PRKN: variants seen among roughly 807,000 people sequenced by gnomAD.
PRKN encodes parkin RBR E3 ubiquitin protein ligase.
A neutral mutation model predicts 59.5 loss-of-function variants in PRKN; 56 were observed. That is an observed-to-expected ratio of 0.94 (90% CI 0.76 to 1.18). The LOEUF is 1.18. Among genes scored for constraint, PRKN ranks in the 50% most tolerant of loss-of-function variants. The probability of loss-of-function intolerance (pLI) is 0.00; values close to 1 mark genes in which losing one functional copy is unlikely to be tolerated. For synonymous variants in PRKN, 250 were observed against 222.1 expected (o/e 1.13, Z -1.12); for missense variants, 657 against 596.4 (o/e 1.10, Z -1.06).
At position 161,527,489 on chromosome 6, in the gene PRKN, GA is replaced by G. The variant is rs1779057221; in HGVS notation, c.1083+21364del. ...TGCTGGATGCTATGCCCACATGAGG[GA>G]GGGGTGCCTTCTAATTCACAGCAAG... On this transcript the variant is annotated intron_variant, in intron 9 of 11. Coordinates refer to ENST00000366898, the MANE Select transcript of PRKN (RefSeq NM_004562.3). The surrounding 1 kb of genome is among the most constrained non-coding windows in gnomAD (Gnocchi z 4.6). 6.6e-6 allele frequency among the ~76,000 whole-genome samples: 1 copy of G among 152,192 alleles called. No individual in the cohort carries two copies. The highest frequency in any genetic ancestry group is 2.4e-5 in the African/African-American group (1 of 41,436).
intron 7 of PRKN, among the ~76,000 whole-genome samples, chr6:161,604,579 G>C (rs928252903): frequency 2.6e-5 from 4 of 152,210 alleles, no homozygotes; most frequent in Admixed American, 6.5e-5. Context: ...TCAGGCCACG[G>C]ATTTGATCCT....
chr6:161,872,520 C>T (rs1794382818), intron 6 of PRKN, among the ~76,000 whole-genome samples: 2 of 152,130 alleles, frequency 1.3e-5, no homozygotes, highest in Admixed American at 6.5e-5. Context: ...GCGCTCCTGT[C>T]CTCAACTCCA....
At chr6:162,084,163 C>T (rs1779165665) in intron 4 of PRKN, among the ~76,000 whole-genome samples, 1 of 151,852 alleles carries the variant, frequency 6.6e-6, no homozygotes, top group African/African-American at 2.4e-5. Flanking sequence ...TTTCTCTTTC[C>T]AAACATAAAA....
intron 2 of PRKN, among the ~76,000 whole-genome samples, chr6:162,314,192 A>C (rs571509258): frequency 1.3e-5 from 2 of 152,262 alleles, no homozygotes; most frequent in East Asian, 3.9e-4. Context: ...TAGTAATCCC[A>C]TGTTCTGGGT....
At chr6:162,257,772 G>A (rs1234697212) in intron 3 of PRKN, among the ~76,000 whole-genome samples, 1 of 152,076 alleles carries the variant, frequency 6.6e-6, no homozygotes, top group Admixed American at 6.6e-5. Flanking sequence ...GCAGTTCTAG[G>A]ATTTGAAAAC....
intron 2 of PRKN, among the ~76,000 whole-genome samples, chr6:162,381,573 G>A (rs150839743): frequency 4.7e-4 from 72 of 152,190 alleles, no homozygotes; most frequent in Admixed American, 8.5e-4. Flanking sequence ...CATTTATCAT[G>A]TTTCTATTGT....
In PRKN at chr6:161,384,352, G is replaced by C. The variant is rs548596656; in HGVS notation, c.1167+2442C>G. Among the ~76,000 whole-genome samples the C allele has an allele frequency of 4.3e-3, 649 of 152,254 alleles. 8 individuals are homozygous for C. The highest frequency in any genetic ancestry group is 0.015 in the African/African-American group (623 of 41,530). ...GCTCAGGAGTTCAAGACCCCAGCCT[G>C]GGCAACATGCTGAAACCCTGTCTCT... On this transcript the variant is annotated intron_variant, in intron 10 of 11. Transcript: ENST00000366898.
intron 2 of PRKN, among the ~76,000 whole-genome samples, chr6:162,411,252 A>G (rs956880587): frequency 2.0e-5 from 3 of 152,224 alleles, no homozygotes; most frequent in African/African-American, 7.2e-5. Context: ...CCTACTTTAC[A>G]AGAAGTGACT....
intron 7 of PRKN, among the ~76,000 whole-genome samples, chr6:161,746,675 T>G (rs939614242): frequency 1.4e-5 from 2 of 146,854 alleles, no homozygotes; most frequent in Non-Finnish European, 3.0e-5. Context: ...TGTATATCTA[T>G]AGATATATCT....
chr6:162,134,317 C>T (rs1413548787), intron 4 of PRKN, among the ~76,000 whole-genome samples: 2 of 152,122 alleles, frequency 1.3e-5, no homozygotes, highest in East Asian at 1.9e-4. Context: ...CAAGATAGCA[C>T]CAGACTTTGG....
chr6:161,990,187 C>T (rs1304619408), intron 5 of PRKN, among the ~76,000 whole-genome samples: 1 of 152,160 alleles, frequency 6.6e-6, no homozygotes, highest in Non-Finnish European at 1.5e-5. Context: ...CGAAGACCAG[C>T]CCACTTGGTG....
At chr6:162,398,036 C>CA (rs10707854) in intron 2 of PRKN, among the ~76,000 whole-genome samples, 16,626 of 83,368 alleles carry the variant, frequency 0.2, 1,699 homozygotes, top group African/African-American at 0.32. Context: ...GATTCTGACT[C>CA]AAAAAAAAAA....
At chr6:161,680,775 A>ATATATATATATT (rs1216235673) in intron 7 of PRKN, among the ~76,000 whole-genome samples, 3 of 30,638 alleles carry the variant, frequency 9.8e-5, no homozygotes, top group Non-Finnish European at 1.8e-4. Flanking sequence ...ATATATATAT[A>ATATATATATATT]TTTTTTTTTT....
intron 6 of PRKN, among the ~76,000 whole-genome samples, chr6:161,902,911 C>T (rs1189797268): frequency 6.6e-6 from 1 of 152,158 alleles, no homozygotes; most frequent in Non-Finnish European, 1.5e-5. Context: ...GTTAGGGAAA[C>T]ACCTCATGCT....
At chr6:162,403,193 G>A (rs1181688879) in intron 2 of PRKN, among the ~76,000 whole-genome samples, 1 of 152,048 alleles carries the variant, frequency 6.6e-6, no homozygotes, top group Non-Finnish European at 1.5e-5. Context: ...AACACCATCT[G>A]GCGCCTTTCG....
chr6:162,064,617 C>G (rs554243599), intron 4 of PRKN, among the ~76,000 whole-genome samples: 1 of 152,306 alleles, frequency 6.6e-6, no homozygotes, highest in Admixed American at 6.5e-5. Context: ...CTACATATAT[C>G]TATGTGCTTT....
rs141683995 is a variant in PRKN at position 161,356,045 on chromosome 6, G to A, written c.1285+4043C>T. Among the ~76,000 whole-genome samples, 145 of 152,300 alleles carry A rather than the reference G, an allele frequency of 9.5e-4. No individual in the cohort carries two copies. The highest frequency in any genetic ancestry group is 3.3e-3 in the African/African-American group (139 of 41,564). Reference sequence around the variant, plus strand: ...CTGGGGATGGGGCAGCTCTCAGGGTGGTCCTGAATTTCGTTAGTGGGTTGG... The same window carrying A: ...CTGGGGATGGGGCAGCTCTCAGGGTAGTCCTGAATTTCGTTAGTGGGTTGG... On this transcript the variant is annotated intron_variant, in intron 11 of 11. Coordinates refer to ENST00000366898, the MANE Select transcript of PRKN (RefSeq NM_004562.3). The surrounding 1 kb of genome is among the most constrained non-coding windows in gnomAD (Gnocchi z 7.8).
chr6:162,067,299 T>C (rs1312466157), intron 4 of PRKN, among the ~76,000 whole-genome samples: 1 of 152,202 alleles, frequency 6.6e-6, no homozygotes, highest in Non-Finnish European at 1.5e-5. Context: ...CAATGGTCAT[T>C]ATTATTACAA....
rs760127964 is a variant in PRKN, at chr6:161,414,381, G to A, written c.1084-27504C>T. 1.3e-5 allele frequency among the ~76,000 whole-genome samples: 2 copies of A among 152,174 alleles called. No homozygotes were observed. Among genetic ancestry groups the A allele is most frequent in the Admixed American group, 1.3e-4 (2 of 15,282 alleles). Reference sequence around the variant, plus strand: ...CCAGATTCTGTTTAGATGCACCCGAGGCCCCAGGCAAAGGTTTCTGCCTGA... The same window carrying A: ...CCAGATTCTGTTTAGATGCACCCGAAGCCCCAGGCAAAGGTTTCTGCCTGA... On this transcript the variant is annotated intron_variant, in intron 9 of 11. Transcript: ENST00000366898. The surrounding 1 kb of genome is among the most constrained non-coding windows in gnomAD (Gnocchi z 5.3).
Sources: gnomAD v4.1 joint callset for allele counts (sites outside exome capture counted in the v4.1 genomes callset) on GRCh38, gnomAD v4.1.1 for gene constraint, Gnocchi (gnomAD v3.1) non-coding constraint, MANE v1.5 for transcripts, NCBI Gene and HGNC (gene_info 2026-07-23, HGNC 2026-07-21) for gene names.